CAMKK2: variants seen among roughly 807,000 people sequenced by gnomAD.
The protein encoded by CAMKK2 is calcium/calmodulin dependent protein kinase kinase 2.
CAMKK2 carries 30 observed loss-of-function variants against 67.2 expected under a neutral mutation model. The observed-to-expected ratio is 0.45, with a 90% confidence interval of 0.33 to 0.61. CAMKK2 has a LOEUF of 0.61. CAMKK2 is among the 20% of genes least tolerant of loss of function. The probability of loss-of-function intolerance (pLI) is 0.02; values close to 1 mark genes in which losing one functional copy is unlikely to be tolerated. For missense variants in CAMKK2, 643 were observed against 802.0 expected, an observed-to-expected ratio of 0.80 and a Z score of 2.39; for synonymous variants, 322 against 326.2, an observed-to-expected ratio of 0.99 and a Z score of 0.14.
intron 1 of CAMKK2, among the ~76,000 whole-genome samples, chr12:121,291,332 C>A (rs1899976988): frequency 6.6e-6 from 1 of 152,178 alleles, no homozygotes; most frequent in African/African-American, 2.4e-5. Context: ...CGGGAATGGA[C>A]AAAGTAGCCT....
intron 1 of CAMKK2, among the ~76,000 whole-genome samples, chr12:121,294,512 CT>C (rs1454218185): frequency 6.6e-6 from 1 of 152,220 alleles, no homozygotes; most frequent in Non-Finnish European, 1.5e-5. Flanking sequence ...TCGGCAAACA[CT>C]GATGTAGTGA....
chr12:121,247,841 C>G (rs1417414017), intron 14 of CAMKK2, among the ~76,000 whole-genome samples: 3 of 152,196 alleles, frequency 2.0e-5, no homozygotes. Flanking sequence ...CCTCCCAGAG[C>G]CCAGGGGCCC....
rs1329429290 is a variant in CAMKK2, at chr12:121,239,483, A to G, written c.*1216T>C. 6.6e-6 allele frequency: 1 copy of G among 152,200 alleles called. No individual in the cohort carries two copies. The highest frequency in any genetic ancestry group is 1.5e-5 in the Non-Finnish European group (1 of 68,030). The allele number at this position is 152,200 out of a possible 1,614,324, so 9.4% of individuals were successfully genotyped here. ...TACCCCAACGAGTGCTGTGGGTTTC[A>G]ACAGTCTTCTCTAAAAGGGTGCCCC... is the stretch of plus-strand genomic sequence containing the variant. On this transcript the variant is annotated 3_prime_UTR_variant, in exon 17 of 17. Transcript: ENST00000404169.
intron 1 of CAMKK2, among the ~76,000 whole-genome samples, chr12:121,286,757 A>G (rs1898826717): frequency 6.6e-6 from 1 of 152,146 alleles, no homozygotes. Flanking sequence ...AAACTGAGGC[A>G]CAGAGAGCCT....
intron 1 of CAMKK2, among the ~76,000 whole-genome samples, chr12:121,294,543 C>T (rs999811256): frequency 6.6e-6 from 1 of 152,226 alleles, no homozygotes; most frequent in African/African-American, 2.4e-5. Context: ...ACAAAACAAA[C>T]TCCTGGGCTC....
intron 1 of CAMKK2, among the ~76,000 whole-genome samples, chr12:121,294,710 C>T (rs962239642): frequency 3.3e-5 from 5 of 152,210 alleles, no homozygotes; most frequent in African/African-American, 9.7e-5. Context: ...CCTAGCAACA[C>T]TGCAGGATTT....
intron 5 of CAMKK2, among the ~76,000 whole-genome samples, chr12:121,266,884 T>C (rs1028948945): frequency 1.2e-4 from 18 of 151,950 alleles, no homozygotes; most frequent in Non-Finnish European, 2.2e-4. Context: ...CCTCTGATAC[T>C]CTCACCTGCA....
intron 16 of CAMKK2, chr12:121,243,876 G>GT: frequency 7.3e-7 from 1 of 1,366,582 alleles, no homozygotes; most frequent in South Asian, 1.7e-5. Context: ...CACCAAGTCA[G>GT]GTAGCCATGA....
At chr12:121,274,024 C>T in intron 2 of CAMKK2, 32 bp downstream of exon 2, 1 of 1,427,342 alleles carries the variant, frequency 7.0e-7, no homozygotes, top group Non-Finnish European at 9.3e-7. Context: ...ACCAGGGACC[C>T]CTAGGACCTG....
intron 11 of CAMKK2, among the ~76,000 whole-genome samples, chr12:121,250,649 T>A (rs1273805868): frequency 1.3e-5 from 2 of 152,150 alleles, no homozygotes; most frequent in African/African-American, 4.8e-5. Context: ...GTAGCACTTA[T>A]CCCTGACGTT....
chr12:121,260,521 C>G, intron 6 of CAMKK2, 166 bp from the exon 7 acceptor site: 1 of 655,650 alleles, frequency 1.5e-6, no homozygotes, highest in East Asian at 2.9e-5. Context: ...GGAAAACCCC[C>G]AGAGTGTGAG....
chr12:121,255,318 A>ATATATAAT (rs1566059637), intron 9 of CAMKK2, among the ~76,000 whole-genome samples: 6 of 19,522 alleles, frequency 3.1e-4, no homozygotes, highest in African/African-American at 1.4e-3. Flanking sequence ...ATATAATTTT[A>ATATATAAT]TATATATATA....
At position 121,269,442 on chromosome 12, in the gene CAMKK2, G is replaced by C. The variant is rs1895286723; in HGVS notation, c.573+86C>G. On this transcript the variant is annotated intron_variant, in intron 4 of 16. Coordinates refer to ENST00000404169, the MANE Select transcript of CAMKK2 (RefSeq NM_001270485.2). ...TAAGAATAAAATGAGACAACAGCTAGGAAAACTTTCCAGGAAGCTGAGTGC... is the reference window on the plus strand; with the variant it reads ...TAAGAATAAAATGAGACAACAGCTACGAAAACTTTCCAGGAAGCTGAGTGC... 2.8e-6 allele frequency: 3 copies of C among 1,083,822 alleles called. No individual in the cohort carries two copies. The Admixed American group carries it at 6.2e-5, about 22-fold the overall frequency. The allele number at this position is 1,083,822 out of a possible 1,614,324, so 67.1% of individuals were successfully genotyped here.
chr12:121,255,566 G>C lies in CAMKK2; in HGVS notation c.891C>G (p.Ile297Met), dbSNP rs139606987. The change falls in exon 9 of 17, where the codon ATC becomes ATG. Residue 297 changes from isoleucine to methionine, a missense_variant. Coordinates refer to ENST00000404169, the MANE Select transcript of CAMKK2 (RefSeq NM_001270485.2). ...CCTGCTCACAGTACTCGATGCCTTT[G>C]ATCAGATCCTGGAAGTAGAAACGGG... Reference protein sequence around the residue: ...DQARFYFQDLIKGIEYLHYQK... With the variant: ...DQARFYFQDLMKGIEYLHYQK... 1.2e-5 allele frequency: 20 copies of C among 1,611,262 alleles called. No individual in the cohort carries two copies. Among genetic ancestry groups the C allele is most frequent in the South Asian group, 2.2e-5 (2 of 90,568 alleles).
intron 11 of CAMKK2, among the ~76,000 whole-genome samples, chr12:121,252,190 A>G (rs1890877297): frequency 6.6e-6 from 1 of 152,268 alleles, no homozygotes; most frequent in African/African-American, 2.4e-5. Context: ...AGATATGATC[A>G]TGACATACAT....
intron 5 of CAMKK2, among the ~76,000 whole-genome samples, chr12:121,264,892 G>A (rs1375178918): frequency 2.0e-5 from 3 of 151,392 alleles, no homozygotes; most frequent in Admixed American, 6.6e-5. Context: ...GATCACCTGC[G>A]CCCAGGAAGA....
chr12:121,263,785 T>G lies in CAMKK2; in HGVS notation c.759+21A>C, dbSNP rs772451776. On this transcript the variant is annotated intron_variant, in intron 6 of 16. Transcript: ENST00000404169. The stretch of plus-strand genomic sequence containing the variant: ...ACAAAGCCAGGGCCTCCCTCCCTCC[T>G]GGGCGCCTCCACCCTTTTACCTCCA... 4.4e-6 allele frequency: 7 copies of G among 1,588,952 alleles called. No homozygotes were observed. In the East Asian group the frequency reaches 1.6e-4, roughly 36 times the overall value.
In CAMKK2 at chr12:121,283,173, C is replaced by G. The variant is rs529560777; in HGVS notation, c.-59-8588G>C. Among the ~76,000 whole-genome samples, 10 of 152,328 alleles carry G rather than the reference C, an allele frequency of 6.6e-5. No individual in the cohort carries two copies. The East Asian group carries it at 1.9e-3, about 29-fold the overall frequency. On this transcript the variant is annotated intron_variant, in intron 1 of 16. Coordinates refer to ENST00000404169, the MANE Select transcript of CAMKK2 (RefSeq NM_001270485.2). ...GAGAAGCCGGCTGCCTTGGAGGCCA[C>G]AGACTCTGAGGCATTTCCCAAAGCT... is the stretch of plus-strand genomic sequence containing the variant.
chr12:121,286,943 T>C (rs1898865601), intron 1 of CAMKK2, among the ~76,000 whole-genome samples: 1 of 152,172 alleles, frequency 6.6e-6, no homozygotes, highest in Admixed American at 6.5e-5. Flanking sequence ...TCTCACTCTA[T>C]TGCCCAGGCT....
Sources: gnomAD v4.1 joint callset for allele counts (sites outside exome capture counted in the v4.1 genomes callset) on GRCh38, gnomAD v4.1.1 for gene constraint, MANE v1.5 for transcripts, NCBI Gene and HGNC (gene_info 2026-07-23, HGNC 2026-07-21) for gene names.